The following ZMYM3 variants were observed in gnomAD, a reference collection of about 807,000 sequenced individuals.
ZMYM3 encodes zinc finger MYM-type containing 3.
ZMYM3 carries 6 observed loss-of-function variants against 94.2 expected under a neutral mutation model. The observed-to-expected ratio is 0.06, with a 90% CI of 0.03 to 0.13. The LOEUF (loss-of-function observed/expected upper bound fraction) is 0.13. ZMYM3 is among the 10% of genes least tolerant of loss of function. ZMYM3 has a pLI of 1.00. For synonymous variants in ZMYM3, 420 were observed against 426.5 expected (o/e 0.98, Z 0.19); for missense variants, 664 against 1,132.6 (o/e 0.59, Z 5.94).
At chrX:71,250,829 GGCCT>G in intron 4 of ZMYM3, 103 bp from the exon 5 acceptor site, 1 of 840,451 alleles carries the variant, frequency 1.2e-6, no homozygotes, top group East Asian at 3.4e-5. Flanking sequence ...CTGTTGTTCC[GGCCT>G]TTACACCCTG....
chrX:71,240,740 T>C lies in ZMYM3; in HGVS notation c.*176A>G, dbSNP rs751889927. 1.3e-5 allele frequency: 6 copies of C among 455,432 alleles called. No individual in the cohort carries two copies. Among genetic ancestry groups the C allele is most frequent in the Non-Finnish European group, 2.2e-5 (6 of 277,458 alleles). The allele number at this position is 455,432 out of a possible 1,213,427, so 37.5% of individuals were successfully genotyped here. A position where few individuals can be genotyped will look rare whatever the true frequency, so the allele number is the denominator to read the frequency against. ...AGACCAGGGCCCCATGGTTGTCAAGTGGTACGGAAGAAGATAAAAGCCAGG... is the reference window on the plus strand; with the variant it reads ...AGACCAGGGCCCCATGGTTGTCAAGCGGTACGGAAGAAGATAAAAGCCAGG... On this transcript the variant is annotated 3_prime_UTR_variant, in exon 25 of 25. Transcript: ENST00000314425.
Position 71,244,484 on chromosome X carries a change from G to A in ZMYM3, c.3112-14C>T, listed in dbSNP as rs911345875. The A allele has an allele frequency of 1.7e-6, 2 of 1,206,399 alleles. No homozygotes were observed. Among genetic ancestry groups the A allele is most frequent in the Non-Finnish European group, 2.2e-6 (2 of 893,311 alleles). On this transcript the variant is annotated splice_polypyrimidine_tract_variant and intron_variant, in intron 19 of 24. Coordinates refer to ENST00000314425, the MANE Select transcript of ZMYM3 (RefSeq NM_201599.3). Reference sequence around the variant, plus strand: ...CCGCTTTTGACCCTGGAGGGGAAGAGAAAGCAGGGGCATGGCAGAGGTAAG... The same window carrying A: ...CCGCTTTTGACCCTGGAGGGGAAGAAAAAGCAGGGGCATGGCAGAGGTAAG...
In ZMYM3 at chrX:71,240,446, A is replaced by G; in HGVS notation, c.*470T>C. On this transcript the variant is annotated 3_prime_UTR_variant, in exon 25 of 25. Coordinates refer to ENST00000314425, the MANE Select transcript of ZMYM3 (RefSeq NM_201599.3). ...TTGTTTATTTCTTACCTTTCAGATA[A>G]GACCTTTTGGCATGGTGCTGGGGAA... is the stretch of plus-strand genomic sequence containing the variant. The G allele has an allele frequency of 8.7e-6, 1 of 115,338 alleles. No homozygotes were observed. The allele number at this position is 115,338 out of a possible 1,213,427, so 9.5% of individuals were successfully genotyped here.
chrX:71,248,663 C>T (rs1362478982), intron 9 of ZMYM3, 23 bp downstream of exon 9: 1 of 1,178,176 alleles, frequency 8.5e-7, no homozygotes. Flanking sequence ...ACCCTTCTAT[C>T]CCTGGTCCAG....
intron 2 of ZMYM3, among the ~76,000 whole-genome samples, chrX:71,252,103 C>T (rs762024244): frequency 5.4e-5 from 6 of 110,899 alleles, no homozygotes; most frequent in South Asian, 3.8e-4. Context: ...CTATCAGAGA[C>T]GCAATCCTAG....
intron 23 of ZMYM3, 125 bp downstream of exon 23, chrX:71,242,045 G>A: frequency 1.2e-6 from 1 of 844,579 alleles, no homozygotes; most frequent in Non-Finnish European, 1.5e-6. Flanking sequence ...CTGCACACAG[G>A]AACAGGAGAG....
Position 71,252,875 on chromosome X carries a change from A to T in ZMYM3, c.381T>A (p.Asp127Glu), listed in dbSNP as rs1419391064. The change falls in exon 2 of 25, where the codon GAT becomes GAA. Residue 127 changes from aspartate (D) to glutamate (E), a missense_variant. Physicochemically the swap from Asp to Glu is conservative, Grantham distance 45. Transcript: ENST00000314425. ...GGQTPEVVPP[D>E]PGAGANSCSP... The stretch of plus-strand genomic sequence containing the variant: ...AACAGGAATTTGCCCCAGCCCCTGG[A>T]TCAGGTGGTACCACCTCAGGGGTCT... 8.3e-7 allele frequency: 1 copy of T among 1,208,967 alleles called. No homozygotes were observed. Among genetic ancestry groups the T allele is most frequent in the East Asian group, 3.0e-5 (1 of 33,779 alleles).
At position 71,252,562 on chromosome X, in the gene ZMYM3, G is replaced by C. The variant is rs762985733; in HGVS notation, c.667+27C>G. 3 of 1,129,244 alleles carry C rather than the reference G, an allele frequency of 2.7e-6. No individual in the cohort carries two copies. The East Asian group carries it at 9.2e-5, about 34-fold the overall frequency. The allele number at this position is 1,129,244 out of a possible 1,213,427, so 93.1% of individuals were successfully genotyped here. ...CTTACCACCACCCTCTCCCAGCCCTGATTCTCCAGATAATTAGGCAACCTA... is the reference window on the plus strand; with the variant it reads ...CTTACCACCACCCTCTCCCAGCCCTCATTCTCCAGATAATTAGGCAACCTA... On this transcript the variant is annotated intron_variant, in intron 2 of 24. Coordinates refer to ENST00000314425, the MANE Select transcript of ZMYM3 (RefSeq NM_201599.3).
intron 7 of ZMYM3, 43 bp from the exon 8 acceptor site, chrX:71,249,212 T>C (rs750100431): frequency 8.3e-7 from 1 of 1,198,248 alleles, no homozygotes; most frequent in Admixed American, 2.3e-5. Flanking sequence ...GATTTGTCCC[T>C]TCACTTTTAT....
intron 4 of ZMYM3, among the ~76,000 whole-genome samples, 183 bp from the exon 5 acceptor site, chrX:71,250,909 A>G (rs2030431187): frequency 1.8e-5 from 2 of 111,266 alleles, no homozygotes; most frequent in African/African-American, 6.5e-5. Flanking sequence ...GTAACCTCCC[A>G]GGGAGGGAAA....
chrX:71,245,127 TAAAAAAAAAAAA>T (rs5902685), intron 18 of ZMYM3, among the ~76,000 whole-genome samples, 200 bp downstream of exon 18: 2 of 42,631 alleles, frequency 4.7e-5, no homozygotes, highest in South Asian at 1.4e-3. Context: ...GCTTAAAAAT[TAAAAAAAAAAAA>T]AAAAAAAAAA....
intron 17 of ZMYM3, 78 bp from the exon 18 acceptor site, chrX:71,245,563 C>G: frequency 4.3e-6 from 5 of 1,158,832 alleles, no homozygotes; most frequent in Non-Finnish European, 5.8e-6. Context: ...CTGATCCCAA[C>G]TATCCTCCCA....
chrX:71,249,128 C>T lies in ZMYM3; in HGVS notation c.1512G>A (p.Leu504=). The change falls in exon 8 of 25, where the codon CTG becomes CTA. Residue 504 remains leucine (L), a synonymous_variant. Coordinates refer to ENST00000314425, the MANE Select transcript of ZMYM3 (RefSeq NM_201599.3). ...GTGATAGCATCTCAAAGTTCTTACA[C>T]AGGGTCTTGCACCAGACACATGGGT... ...RVYPCVWCKT[L]CKNFEMLSHV... is the part of the protein sequence containing the mutation. 2 of 1,211,961 alleles carry T rather than the reference C, an allele frequency of 1.7e-6. No homozygotes were observed. Among genetic ancestry groups the T allele is most frequent in the South Asian group, 1.8e-5 (1 of 57,017 alleles).
chrX:71,248,262 C>T lies in ZMYM3; in HGVS notation c.1875G>A (p.Arg625=). ...CACACTGGGACACCACACCCCGAAG[C>T]CGCTTGAAGTCCTCACAGCAATCAC... ...CCRDCCEDFK[R]LRGVVSQCEH... Residue 625 remains arginine (R), a synonymous_variant, in exon 11 of 25, where the codon CGG becomes CGA. Coordinates refer to ENST00000314425, the MANE Select transcript of ZMYM3 (RefSeq NM_201599.3). 1.7e-6 allele frequency: 2 copies of T among 1,208,852 alleles called. No homozygotes were observed. Among genetic ancestry groups the T allele is most frequent in the Non-Finnish European group, 2.2e-6 (2 of 893,864 alleles).
chrX:71,252,971 C>T lies in ZMYM3; in HGVS notation c.285G>A (p.Val95=). 8.3e-7 allele frequency: 1 copy of T among 1,211,246 alleles called. No homozygotes were observed. The highest frequency in any genetic ancestry group is 1.8e-5 in the South Asian group (1 of 56,913). Reference sequence around the variant, plus strand: ...CCAGGGTTCCCTCAGGACCGTGGTCCACCTCCGGGGGAGAGGGGGCTTTAT... The same window carrying T: ...CCAGGGTTCCCTCAGGACCGTGGTCTACCTCCGGGGGAGAGGGGGCTTTAT... ...LLYKAPSPPE[V]DHGPEGTLAW... The change falls in exon 2 of 25, where the codon GTG becomes GTA. Residue 95 remains valine (V), a synonymous_variant. Transcript: ENST00000314425.
chrX:71,246,479 G>GGGGGGC lies in ZMYM3; in HGVS notation c.2445_2446insGCCCCC (p.Ala815_Pro816insAlaPro). 9.0e-6 allele frequency: 3 copies of GGGGGGC among 333,352 alleles called. No individual in the cohort carries two copies. The highest frequency in any genetic ancestry group is 1.7e-5 in the Non-Finnish European group (3 of 178,427). The allele number at this position is 333,352 out of a possible 1,213,427, so 27.5% of individuals were successfully genotyped here. On this transcript the variant is annotated inframe_insertion, in exon 15 of 25. Coordinates refer to ENST00000314425, the MANE Select transcript of ZMYM3 (RefSeq NM_201599.3). ...GGGGGTGGTGGGGGTGGAGGGGTGG[G>GGGGGGC]AGCAGTGGGAGCTGATCGGGTCTTC...
intron 3 of ZMYM3, 119 bp from the exon 4 acceptor site, chrX:71,251,363 C>T: frequency 1.0e-6 from 1 of 956,676 alleles, no homozygotes; most frequent in African/African-American, 1.9e-5. Flanking sequence ...GACCCTTGGC[C>T]CAGCCCTTAG....
In ZMYM3 at chrX:71,244,311, G is replaced by T; in HGVS notation, c.3271C>A (p.Arg1091Ser). 1 of 1,201,211 alleles carries T rather than the reference G, an allele frequency of 8.3e-7. No individual in the cohort carries two copies. The highest frequency in any genetic ancestry group is 1.1e-6 in the Non-Finnish European group (1 of 890,945). The change falls in exon 20 of 25, where the codon CGC becomes AGC. Residue 1091 changes from arginine (R) to serine (S), a missense_variant. Coordinates refer to ENST00000314425, the MANE Select transcript of ZMYM3 (RefSeq NM_201599.3). The part of the protein sequence containing the change: ...NGETSKGDEL[R>S]FGPKPMRIKE... ...ATCCCCAAGTACTTACGGCCAAAGC[G>T]CAGCTCATCACCCTTGCTGGTTTCT... is the stretch of plus-strand genomic sequence containing the variant.
chrX:71,249,301 C>T, intron 7 of ZMYM3, 132 bp from the exon 8 acceptor site: 1 of 1,149,209 alleles, frequency 8.7e-7, no homozygotes, highest in Non-Finnish European at 1.2e-6. Context: ...ACCTGTGTAT[C>T]CACCAGCCAG....
Sources: gnomAD v4.1 joint callset for allele counts (sites outside exome capture counted in the v4.1 genomes callset) on GRCh38, gnomAD v4.1.1 for gene constraint, MANE v1.5 for transcripts, NCBI Gene and HGNC (gene_info 2026-07-23, HGNC 2026-07-21) for gene names.